The following BANF2 variants were observed in gnomAD, a reference collection of about 807,000 sequenced individuals.
BANF2 encodes the protein barrier-to-autointegration factor-like protein.
In BANF2, 4 loss-of-function variants were observed where a neutral mutation model predicts 8.0. That is an observed-to-expected ratio of 0.50 (90% CI 0.25 to 1.14). BANF2 has a LOEUF of 1.14. Among genes scored for constraint, BANF2 ranks in the 50% most tolerant of loss-of-function variants. The probability of loss-of-function intolerance (pLI) is 0.16; values close to 1 mark genes in which losing one functional copy is unlikely to be tolerated. For synonymous variants in BANF2, 50 were observed against 40.6 expected, an observed-to-expected ratio of 1.23 and a Z score of -0.88; for missense variants, 96 against 107.5, an observed-to-expected ratio of 0.89 and a Z score of 0.47.
At chr20:17,700,273 G>A (rs1478205212) in intron 1 of BANF2, among the ~76,000 whole-genome samples, 1 of 152,190 alleles carries the variant, frequency 6.6e-6, no homozygotes. Flanking sequence ...ATCTGCGGGA[G>A]GTGGTACTCT....
intron 3 of BANF2, among the ~76,000 whole-genome samples, chr20:17,732,063 CAAA>C (rs199868651): frequency 2.3e-5 from 3 of 132,758 alleles, no homozygotes. Flanking sequence ...GAGACGTCGT[CAAA>C]AAAAAAAAAG....
intron 1 of BANF2, among the ~76,000 whole-genome samples, chr20:17,694,597 C>CTT (rs2037327197): frequency 2.8e-5 from 1 of 36,278 alleles, no homozygotes; most frequent in African/African-American, 7.3e-5. Flanking sequence ...TGTTTTTTCT[C>CTT]TCTCTTTTTT....
intron 1 of BANF2, among the ~76,000 whole-genome samples, chr20:17,716,615 G>A (rs1363245736): frequency 6.6e-6 from 1 of 151,358 alleles, no homozygotes; most frequent in Non-Finnish European, 1.5e-5. Flanking sequence ...TGTAATCCTA[G>A]CCCTTTGGGA....
intron 3 of BANF2, among the ~76,000 whole-genome samples, chr20:17,730,212 C>T (rs2037871632): frequency 6.6e-6 from 1 of 152,188 alleles, no homozygotes; most frequent in African/African-American, 2.4e-5. Context: ...ACAAAGTACA[C>T]TATTTCATTT....
chr20:17,735,529 A>G lies in BANF2; in HGVS notation c.127-136A>G, dbSNP rs2037964407. 6 of 1,035,288 alleles carry G rather than the reference A, an allele frequency of 5.8e-6. No individual in the cohort carries two copies. In the South Asian group the frequency reaches 9.1e-5, roughly 16 times the overall value. The allele number at this position is 1,035,288 out of a possible 1,614,324, so 64.1% of individuals were successfully genotyped here. A position where few individuals can be genotyped will look rare whatever the true frequency, so the allele number is the denominator to read the frequency against. On this transcript the variant is annotated intron_variant, in intron 3 of 3. Coordinates refer to ENST00000246090, the MANE Select transcript of BANF2 (RefSeq NM_178477.5). ...ACCCATGTCAGGGCTTCAAGGACTG[A>G]CAGGCTCCCTTGAATCGGCCCTGCT...
chr20:17,694,601 C>CT (rs869067650), intron 1 of BANF2, among the ~76,000 whole-genome samples: 616 of 26,786 alleles, frequency 0.023, 28 homozygotes, highest in African/African-American at 0.037. Context: ...TTTTCTCTCT[C>CT]TTTTTTTTTT....
At chr20:17,723,191 G>A (rs1271039538) in intron 2 of BANF2, among the ~76,000 whole-genome samples, 1 of 152,174 alleles carries the variant, frequency 6.6e-6, no homozygotes, top group Non-Finnish European at 1.5e-5. Context: ...TGGGCTTTGA[G>A]GGACACTGAC....
chr20:17,725,104 A>C lies in BANF2; in HGVS notation c.79A>C (p.Ile27Leu). Residue 27 changes from isoleucine to leucine, a missense_variant, in exon 3 of 4, where the codon ATC becomes CTC. Ile to Leu is a conservative substitution (Grantham distance 5). Transcript: ENST00000246090. ...GEKDVCWVDGISHELAINLVT... is the reference protein window; with the variant it reads ...GEKDVCWVDGLSHELAINLVT... ...AAAGGATGTCTGCTGGGTGGATGGC[A>C]TCAGCCATGAGCTCGCGATCAATTT... The C allele has an allele frequency of 1.9e-6, 3 of 1,612,820 alleles. No individual in the cohort carries two copies. Among genetic ancestry groups the C allele is most frequent in the Non-Finnish European group, 2.5e-6 (3 of 1,178,738 alleles).
chr20:17,735,774 C>T lies in BANF2; in HGVS notation c.236C>T (p.Ser79Phe), dbSNP rs2037969233. ...ACTGAGTGTGAGGCCCAGCAGACTT[C>T]TCACTGCCTCAAGGAGTGGTGTGCC... ...GATECEAQQT[S>F]HCLKEWCACF... Residue 79 changes from serine (S) to phenylalanine (F), a missense_variant, in exon 4 of 4, where the codon TCT becomes TTT. Coordinates refer to ENST00000246090, the MANE Select transcript of BANF2 (RefSeq NM_178477.5). 2 of 1,613,918 alleles carry T rather than the reference C, an allele frequency of 1.2e-6. No homozygotes were observed. Among genetic ancestry groups the T allele is most frequent in the East Asian group, 4.5e-5 (2 of 44,892 alleles).
intron 1 of BANF2, among the ~76,000 whole-genome samples, chr20:17,694,445 A>G (rs954842856): frequency 3.3e-5 from 5 of 152,044 alleles, no homozygotes; most frequent in African/African-American, 1.2e-4. Context: ...TTAGGAACTG[A>G]GTGGAAGCTG....
At chr20:17,732,676 G>T (rs1045734540) in intron 3 of BANF2, among the ~76,000 whole-genome samples, 3 of 152,168 alleles carry the variant, frequency 2.0e-5, no homozygotes, top group Admixed American at 2.0e-4. Context: ...TCTTACAGCT[G>T]CAGGACGGAA....
At chr20:17,695,787 A>G (rs1038520332), upstream of BANF2, among the ~76,000 whole-genome samples, 2 of 152,202 alleles carry the variant, frequency 1.3e-5, no homozygotes, top group Non-Finnish European at 2.9e-5. Flanking sequence ...GAGATCTGGA[A>G]TATTCCCTTC....
chr20:17,727,424 G>C (rs1213202679), intron 3 of BANF2, among the ~76,000 whole-genome samples: 2 of 152,230 alleles, frequency 1.3e-5, no homozygotes, highest in Non-Finnish European at 2.9e-5. Flanking sequence ...AGGTGAACTG[G>C]AGCAGCCGTG....
At chr20:17,702,906 C>T (rs1363846551) in intron 1 of BANF2, among the ~76,000 whole-genome samples, 2 of 152,262 alleles carry the variant, frequency 1.3e-5, no homozygotes, top group East Asian at 1.9e-4. Flanking sequence ...TGAGGAGCTG[C>T]GCTTGTTGTT....
intron 3 of BANF2, among the ~76,000 whole-genome samples, chr20:17,733,539 G>C (rs1043448230): frequency 3.9e-5 from 6 of 151,908 alleles, no homozygotes; most frequent in Non-Finnish European, 8.8e-5. Context: ...TATGTCTCTC[G>C]TTTCTGTTAC....
intron 3 of BANF2, among the ~76,000 whole-genome samples, chr20:17,726,761 C>T (rs1403776310): frequency 6.6e-6 from 1 of 152,158 alleles, no homozygotes; most frequent in Non-Finnish European, 1.5e-5. Flanking sequence ...TTAAATGTGT[C>T]CATAATTGTG....
rs141826180 is a variant in BANF2 at position 17,734,689 on chromosome 20, G to A, written c.127-976G>A. On this transcript the variant is annotated intron_variant, in intron 3 of 3. Coordinates refer to ENST00000246090, the MANE Select transcript of BANF2 (RefSeq NM_178477.5). ...TGGGTCGGGGAGGGAGGGTGCCACC[G>A]GCATGCGTAGAGATCAGGGGTGCTG... is the stretch of plus-strand genomic sequence containing the variant. Among the ~76,000 whole-genome samples the A allele has an allele frequency of 1.5e-3, 234 of 152,306 alleles. 1 individual carries two copies. Among genetic ancestry groups the A allele is most frequent in the Middle Eastern group, 3.4e-3 (1 of 294 alleles).
chr20:17,701,756 G>C (rs950163188), intron 1 of BANF2, among the ~76,000 whole-genome samples: 1 of 152,160 alleles, frequency 6.6e-6, no homozygotes, highest in African/African-American at 2.4e-5. Flanking sequence ...GATCAGCTAC[G>C]GGCCCCAGGT....
At chr20:17,702,233 G>A (rs2037419730) in intron 1 of BANF2, among the ~76,000 whole-genome samples, 1 of 152,186 alleles carries the variant, frequency 6.6e-6, no homozygotes, top group Non-Finnish European at 1.5e-5. Flanking sequence ...CCATCGATGT[G>A]CCAAGTTCCA....
Sources: allele counts gnomAD v4.1 joint callset (sites outside exome capture counted in the v4.1 genomes callset), GRCh38; gene constraint gnomAD v4.1.1; transcripts MANE v1.5; gene names NCBI Gene and HGNC (gene_info 2026-07-23, HGNC 2026-07-21).